The following TMEM108 variants were observed in gnomAD, a reference collection of about 807,000 sequenced individuals.
The protein encoded by TMEM108 is cancer/testis antigen 124.
Under a neutral mutation model 35.1 loss-of-function variants are expected in TMEM108, and 12 were observed. The ratio of observed to expected loss-of-function variants is 0.34; its 90% confidence interval spans 0.22 to 0.55. TMEM108 has a LOEUF of 0.55. Ranked by LOEUF, TMEM108 falls within the 20% of genes least tolerant of loss-of-function variation. The pLI, the probability that TMEM108 is intolerant of heterozygous loss-of-function variation, is 0.89. For synonymous variants in TMEM108, 287 were observed against 308.6 expected (o/e 0.93, Z 0.73); for missense variants, 680 against 753.3 (o/e 0.90, Z 1.14).
At chr3:133,073,510 C>CTCTCTCTCTATATATATATATATA in intron 2 of TMEM108, among the ~76,000 whole-genome samples, 8 of 43,920 alleles carry the variant, frequency 1.8e-4, no homozygotes, top group Admixed American at 3.5e-4. Context: ...CTCTCTCTCT[C>CTCTCTCTCTATATATATATATATA]TATATATATA....
At chr3:133,178,773 C>A (rs1945280833) in intron 2 of TMEM108, among the ~76,000 whole-genome samples, 1 of 152,220 alleles carries the variant, frequency 6.6e-6, no homozygotes, top group African/African-American at 2.4e-5. Context: ...TCTAAAACAC[C>A]AAAAGCAATG....
rs374827057 is a variant in TMEM108, at chr3:133,039,325, A to G, written c.-166+890A>G. Among the ~76,000 whole-genome samples, 21 of 152,142 alleles carry G rather than the reference A, an allele frequency of 1.4e-4. 1 individual carries two copies. In the South Asian group the frequency reaches 4.4e-3, roughly 32 times the overall value. On this transcript the variant is annotated intron_variant, in intron 1 of 5. Transcript: ENST00000321871. ...TTTTCTGGGGGTACCCAGGAAGGTTATTACTTATTTTCAGCATGTTACTGG... is the reference window on the plus strand; with the variant it reads ...TTTTCTGGGGGTACCCAGGAAGGTTGTTACTTATTTTCAGCATGTTACTGG...
chr3:133,388,538 C>A, intron 4 of TMEM108: 1 of 985,324 alleles, frequency 1.0e-6, no homozygotes, highest in Non-Finnish European at 1.2e-6. Flanking sequence ...TCTGTACCAG[C>A]TAATCTCTCA....
At chr3:133,098,802 G>T (rs1944049793) in intron 2 of TMEM108, among the ~76,000 whole-genome samples, 1 of 152,186 alleles carries the variant, frequency 6.6e-6, no homozygotes, top group Admixed American at 6.5e-5. Context: ...GGTTCCCATG[G>T]TCTTGGGCAG....
chr3:133,385,013 A>G (rs1424690998), intron 4 of TMEM108, among the ~76,000 whole-genome samples: 1 of 152,164 alleles, frequency 6.6e-6, no homozygotes, highest in Non-Finnish European at 1.5e-5. Context: ...GCCTCCTTCT[A>G]GACAGTGGAG....
chr3:133,333,142 C>T (rs2071418431), intron 3 of TMEM108, among the ~76,000 whole-genome samples: 1 of 152,060 alleles, frequency 6.6e-6, no homozygotes, highest in African/African-American at 2.4e-5. Flanking sequence ...AAGTTCTAGA[C>T]CTGCACTGTC....
intron 5 of TMEM108, among the ~76,000 whole-genome samples, chr3:133,391,231 T>C (rs573367149): frequency 2.0e-5 from 3 of 152,160 alleles, no homozygotes. Context: ...GGAAAGAAAA[T>C]AATGGCTTGA....
At chr3:133,078,948 A>G (rs1199796468) in intron 2 of TMEM108, among the ~76,000 whole-genome samples, 2 of 152,224 alleles carry the variant, frequency 1.3e-5, no homozygotes, top group African/African-American at 2.4e-5. Flanking sequence ...TAAGATGCTT[A>G]AAACATGATT....
In TMEM108 at chr3:133,379,574, T is replaced by A. The variant is rs1476459716; in HGVS notation, c.41-178T>A. 6.1e-6 allele frequency: 4 copies of A among 654,680 alleles called. No homozygotes were observed. In the African/African-American group the frequency reaches 7.2e-5, roughly 12 times the overall value. 40.6% of individuals were successfully genotyped at this position (654,680 alleles called of 1,614,324 possible). A position where few individuals can be genotyped will look rare whatever the true frequency, so the allele number is the denominator to read the frequency against. ...CAGGTACCAGGCAGCACCTACCTAA[T>A]AGACCTGCCCCAGCTCCACAGACAG... is the stretch of plus-strand genomic sequence containing the variant. On this transcript the variant is annotated intron_variant, in intron 3 of 5. Coordinates refer to ENST00000321871, the MANE Select transcript of TMEM108 (RefSeq NM_023943.4).
At chr3:133,131,476 C>T (rs754731913) in intron 2 of TMEM108, among the ~76,000 whole-genome samples, 4 of 148,178 alleles carry the variant, frequency 2.7e-5, no homozygotes, top group East Asian at 2.0e-4. Context: ...TTTATTATAT[C>T]TCGTATGGTG....
intron 3 of TMEM108, among the ~76,000 whole-genome samples, chr3:133,320,508 A>C (rs1432920151): frequency 1.3e-5 from 2 of 152,146 alleles, no homozygotes; most frequent in African/African-American, 4.8e-5. Context: ...AGCCTCCAAG[A>C]AATTTTGGAT....
At position 133,203,594 on chromosome 3, in the gene TMEM108, C is replaced by T. The variant is rs765452229; in HGVS notation, c.-46-25672C>T. On this transcript the variant is annotated intron_variant, in intron 2 of 5. Transcript: ENST00000321871. ...TTGGTTCTGTTTATGTGATGGAGTA[C>T]GTTCATTGATTTGCATATGTTGAAC... Among the ~76,000 whole-genome samples the T allele has an allele frequency of 1.1e-4, 17 of 152,216 alleles. No homozygotes were observed. In the South Asian group the frequency reaches 2.5e-3, roughly 22 times the overall value.
chr3:133,319,603 C>T (rs1218493218), intron 3 of TMEM108, among the ~76,000 whole-genome samples: 1 of 152,186 alleles, frequency 6.6e-6, no homozygotes, highest in Non-Finnish European at 1.5e-5. Flanking sequence ...TATCTAAAAC[C>T]AAGGACTCTC....
intron 2 of TMEM108, among the ~76,000 whole-genome samples, chr3:133,229,053 G>A (rs892653791): frequency 6.6e-6 from 1 of 152,034 alleles, no homozygotes; most frequent in South Asian, 2.1e-4. Flanking sequence ...CCTTCAGTGG[G>A]GTGTATAGTT....
At chr3:133,207,530 G>GT (rs1559868511) in intron 2 of TMEM108, among the ~76,000 whole-genome samples, 1 of 152,096 alleles carries the variant, frequency 6.6e-6, no homozygotes, top group African/African-American at 2.4e-5. Context: ...TCATCGTAAA[G>GT]TTTTTTAGGT....
intron 3 of TMEM108, among the ~76,000 whole-genome samples, chr3:133,320,328 GAA>G (rs151203872): frequency 6.9e-4 from 99 of 144,216 alleles, no homozygotes; most frequent in African/African-American, 2.4e-3. Context: ...CTATCATAAA[GAA>G]AAAAAAAACA....
rs1438923762 is a variant in TMEM108, at chr3:133,380,628, C to T, written c.917C>T (p.Ala306Val). 6.2e-7 allele frequency: 1 copy of T among 1,613,754 alleles called. No homozygotes were observed. The highest frequency in any genetic ancestry group is 8.5e-7 in the Non-Finnish European group (1 of 1,179,850). The change falls in exon 4 of 6, where the codon GCC (alanine) becomes GTC (valine). Residue 306 changes from alanine to valine, a missense_variant. Physicochemically the swap from Ala to Val is moderately conservative, Grantham distance 64 (BLOSUM62 0). This residue lies in a region of TMEM108 where 526 missense variants were observed against 532.1 expected (regional missense o/e 0.99). Transcript: ENST00000321871. The surrounding 1 kb of genome is among the most constrained non-coding windows in gnomAD (Gnocchi z 5.3). The part of the protein sequence containing the change: ...GTPDATAASG[A>V]PVSPQAAPVP... Reference sequence around the variant, plus strand: ...CCAGATGCCACAGCAGCCTCAGGTGCCCCTGTCAGTCCACAAGCTGCCCCA... The same window carrying T: ...CCAGATGCCACAGCAGCCTCAGGTGTCCCTGTCAGTCCACAAGCTGCCCCA...
At chr3:133,268,731 C>A (rs145744649) in intron 3 of TMEM108, among the ~76,000 whole-genome samples, 1 of 152,168 alleles carries the variant, frequency 6.6e-6, no homozygotes, top group African/African-American at 2.4e-5. Context: ...AACTTTACAT[C>A]ATTTTCCAAC....
chr3:133,350,981 T>A (rs535968923), intron 3 of TMEM108, among the ~76,000 whole-genome samples: 1 of 152,298 alleles, frequency 6.6e-6, no homozygotes, highest in African/African-American at 2.4e-5. Context: ...CAAAGCCTGT[T>A]TCTTTCCCAC....
Sources: allele counts gnomAD v4.1 joint callset (sites outside exome capture counted in the v4.1 genomes callset), GRCh38; gene constraint gnomAD v4.1.1; regional missense constraint gnomAD v4.1.1; non-coding constraint Gnocchi (gnomAD v3.1); transcripts MANE v1.5; gene names NCBI Gene and HGNC (gene_info 2026-07-23, HGNC 2026-07-21).